Variants in PDE1C observed in about 807,000 individuals in gnomAD.
The protein encoded by PDE1C is phosphodiesterase 1C.
In PDE1C, 62 loss-of-function variants were observed where a neutral mutation model predicts 93.1. The ratio of observed to expected loss-of-function variants is 0.67; its 90% confidence interval spans 0.54 to 0.82. The LOEUF is 0.82. Ranked by LOEUF, PDE1C falls within the 40% of genes least tolerant of loss-of-function variation. The pLI, the probability that PDE1C is intolerant of heterozygous loss-of-function variation, is 0.00. For synonymous variants in PDE1C, 325 were observed against 310.1 expected (o/e 1.05, Z -0.50); for missense variants, 742 against 884.6 (o/e 0.84, Z 2.04).
intron 15 of PDE1C, among the ~76,000 whole-genome samples, 180 bp from the exon 16 acceptor site, chr7:31,809,288 C>A (rs1037407773): frequency 3.3e-5 from 5 of 151,930 alleles, no homozygotes; most frequent in African/African-American, 1.2e-4. Context: ...GATTGTGATG[C>A]AGAAATTGAG....
intron 1 of PDE1C, among the ~76,000 whole-genome samples, chr7:32,059,182 A>G (rs988193319): frequency 2.0e-5 from 3 of 152,170 alleles, no homozygotes; most frequent in African/African-American, 7.2e-5. Flanking sequence ...GTTTAGCCAA[A>G]AGTGATGGAT....
the PDE1C span, among the ~76,000 whole-genome samples, chr7:31,629,258 A>G: frequency 6.9e-6 from 1 of 144,418 alleles, no homozygotes; most frequent in Non-Finnish European, 1.5e-5. Flanking sequence ...ATGTAGACAA[A>G]GAAGATATGT....
intron 1 of PDE1C, among the ~76,000 whole-genome samples, chr7:32,260,940 A>T (rs923527151): frequency 1.3e-5 from 2 of 152,124 alleles, no homozygotes; most frequent in African/African-American, 4.8e-5. Flanking sequence ...GTGAAACCTC[A>T]TCTCTACAAA....
chr7:31,759,844 C>G, intron 17 of PDE1C, among the ~76,000 whole-genome samples: 1 of 152,056 alleles, frequency 6.6e-6, no homozygotes, highest in Non-Finnish European at 1.5e-5. Context: ...ACTGCCACAA[C>G]CAGCCTATCT....
At chr7:31,963,637 C>CA (rs913034465) in intron 2 of PDE1C, among the ~76,000 whole-genome samples, 1 of 151,916 alleles carries the variant, frequency 6.6e-6, no homozygotes, top group South Asian at 2.1e-4. Flanking sequence ...AGAAGAAAAC[C>CA]AAAAAAGATT....
the PDE1C span, among the ~76,000 whole-genome samples, chr7:31,641,158 G>T: frequency 6.6e-6 from 1 of 152,132 alleles, no homozygotes; most frequent in Admixed American, 6.5e-5. Context: ...TGTCCTTCAA[G>T]GTGAGGTCCA....
intron 11 of PDE1C, among the ~76,000 whole-genome samples, chr7:31,834,158 C>T (rs1790769191): frequency 6.6e-6 from 1 of 152,182 alleles, no homozygotes; most frequent in Admixed American, 6.5e-5. Context: ...GGAACCTCCG[C>T]CTAGATTTCA....
At chr7:32,220,612 G>A (rs1445193261) in intron 1 of PDE1C, among the ~76,000 whole-genome samples, 2 of 151,892 alleles carry the variant, frequency 1.3e-5, no homozygotes, top group Non-Finnish European at 2.9e-5. Flanking sequence ...TCAGGAGATC[G>A]AGACCATCCT....
intron 2 of PDE1C, among the ~76,000 whole-genome samples, chr7:32,009,108 A>G (rs547902448): frequency 6.6e-6 from 1 of 152,352 alleles, no homozygotes; most frequent in East Asian, 1.9e-4. Context: ...ACAAATACAT[A>G]AAACAATGGC....
At chr7:32,314,857 T>C (rs1783134740) in intron 1 of PDE1C, among the ~76,000 whole-genome samples, 1 of 152,002 alleles carries the variant, frequency 6.6e-6, no homozygotes, top group Non-Finnish European at 1.5e-5. Context: ...CTCCTCCATC[T>C]GTTGTTCACT....
chr7:31,706,350 A>C, the PDE1C span, among the ~76,000 whole-genome samples: 1 of 152,156 alleles, frequency 6.6e-6, no homozygotes, highest in Non-Finnish European at 1.5e-5. Context: ...ACATAGGAAC[A>C]GCAACTCTTT....
At chr7:31,802,453 T>C (rs546292937) in intron 16 of PDE1C, among the ~76,000 whole-genome samples, 1 of 151,828 alleles carries the variant, frequency 6.6e-6, no homozygotes, top group South Asian at 2.1e-4. Flanking sequence ...CCTAGTCAAT[T>C]ATCATTAACA....
intron 3 of PDE1C, among the ~76,000 whole-genome samples, chr7:32,118,158 G>T (rs1274957793): frequency 6.6e-6 from 1 of 152,172 alleles, no homozygotes; most frequent in Non-Finnish European, 1.5e-5. Context: ...CATCGCCATG[G>T]TTAAATATGC....
intron 1 of PDE1C, among the ~76,000 whole-genome samples, chr7:32,265,595 C>T (rs950375766): frequency 6.6e-6 from 1 of 152,184 alleles, no homozygotes; most frequent in Non-Finnish European, 1.5e-5. Flanking sequence ...GCCACTAAAT[C>T]CAACTATGCC....
chr7:32,016,098 T>C (rs1787871147), intron 2 of PDE1C, among the ~76,000 whole-genome samples: 1 of 152,164 alleles, frequency 6.6e-6, no homozygotes, highest in African/African-American at 2.4e-5. Context: ...TGTATATAGT[T>C]AAAGGTGGGA....
intron 4 of PDE1C, among the ~76,000 whole-genome samples, chr7:31,878,666 G>A (rs1727398151): frequency 6.6e-6 from 1 of 152,116 alleles, no homozygotes; most frequent in African/African-American, 2.4e-5. Context: ...AAGCATCCCA[G>A]ATCTGTTTCA....
intron 1 of PDE1C, among the ~76,000 whole-genome samples, chr7:32,317,029 C>G (rs1018386161): frequency 2.0e-5 from 3 of 152,136 alleles, no homozygotes; most frequent in African/African-American, 7.2e-5. Flanking sequence ...ACTGACACAG[C>G]CAGCGCTCCA....
chr7:32,386,897 T>C lies in PDE1C; in HGVS notation c.310+40925A>G, dbSNP rs187938128. 1.9e-4 allele frequency among the ~76,000 whole-genome samples: 29 copies of C among 152,032 alleles called. 1 individual carries two copies. Among genetic ancestry groups the C allele is most frequent in the Admixed American group, 1.4e-3 (22 of 15,272 alleles). On this transcript the variant is annotated intron_variant, in intron 1 of 1. Coordinates refer to the PDE1C transcript ENST00000672256. ...TTTTTATTTTTATTTTTTTTTTTAT[T>C]GATCATTCTTGGGTGTTTCTCGCAG... is the stretch of plus-strand genomic sequence containing the variant.
At chr7:31,930,877 G>T (rs1273305851) in intron 2 of PDE1C, among the ~76,000 whole-genome samples, 2 of 66,160 alleles carry the variant, frequency 3.0e-5, no homozygotes, top group African/African-American at 1.2e-4. Flanking sequence ...AAAAAAAAAA[G>T]CTTATCCACC....
Sources: allele counts gnomAD v4.1 joint callset (sites outside exome capture counted in the v4.1 genomes callset), GRCh38; gene constraint gnomAD v4.1.1; transcripts MANE v1.5; gene names NCBI Gene and HGNC (gene_info 2026-07-23, HGNC 2026-07-21).